The following USH2A variants were observed in gnomAD, a reference collection of about 807,000 sequenced individuals.
The protein encoded by USH2A is Usher syndrome 2A (autosomal recessive, mild).
A neutral mutation model predicts 538.9 loss-of-function variants in USH2A; 443 were observed. The observed-to-expected ratio is 0.82, with a 90% confidence interval of 0.76 to 0.89. USH2A has a LOEUF of 0.89. USH2A is among the 40% of genes least tolerant of loss of function. USH2A has a pLI of 0.00. For missense variants in USH2A, 6,633 were observed against 6,324.8 expected (o/e 1.05, Z -1.65); for synonymous variants, 2,413 against 2,273.5 (o/e 1.06, Z -1.75).
intron 38 of USH2A, among the ~76,000 whole-genome samples, chr1:215,923,618 G>A (rs6675583): frequency 0.51 from 78,044 of 151,804 alleles, 20,978 homozygotes; most frequent in East Asian, 0.68. Flanking sequence ...CACACACAGC[G>A]CATGTGCATG....
In USH2A at chr1:216,270,681, C is replaced by G. The variant is rs1437467968; in HGVS notation, c.1971+18599G>C. Among the ~76,000 whole-genome samples the G allele has an allele frequency of 3.3e-5, 5 of 150,592 alleles. No homozygotes were observed. In the East Asian group the frequency reaches 1.0e-3, roughly 30 times the overall value. On this transcript the variant is annotated intron_variant, in intron 11 of 71. Coordinates refer to ENST00000307340, the MANE Select transcript of USH2A (RefSeq NM_206933.4). Reference sequence around the variant, plus strand: ...TCCTCTCCCTAATCCATTTAATAAACTGCTATCAATTAATTTTCATTCATT... The same window carrying G: ...TCCTCTCCCTAATCCATTTAATAAAGTGCTATCAATTAATTTTCATTCATT...
chr1:215,731,025 G>A (rs1399251617), intron 60 of USH2A, among the ~76,000 whole-genome samples: 1 of 152,180 alleles, frequency 6.6e-6, no homozygotes, highest in African/African-American at 2.4e-5. Flanking sequence ...GATGGTCTAT[G>A]GGGAAGTAAC....
chr1:215,808,260 T>G (rs1662559587), intron 49 of USH2A, among the ~76,000 whole-genome samples: 1 of 152,066 alleles, frequency 6.6e-6, no homozygotes, highest in South Asian at 2.1e-4. Flanking sequence ...TCTACTAACA[T>G]ATGAGAAAAA....
chr1:216,047,393 G>A (rs1383608061), intron 31 of USH2A, among the ~76,000 whole-genome samples: 1 of 152,016 alleles, frequency 6.6e-6, no homozygotes, highest in Non-Finnish European at 1.5e-5. Flanking sequence ...TTGTAAGAGG[G>A]GATGATAATC....
chr1:215,919,806 T>A (rs1253939243), intron 38 of USH2A, among the ~76,000 whole-genome samples: 1 of 152,012 alleles, frequency 6.6e-6, no homozygotes, highest in Non-Finnish European at 1.5e-5. Flanking sequence ...GAAATTTAGG[T>A]TTAATTTTTT....
chr1:215,963,832 C>T lies in USH2A; in HGVS notation c.7120+1485G>A, dbSNP rs149460889. Among the ~76,000 whole-genome samples, 255 of 152,136 alleles carry T rather than the reference C, an allele frequency of 1.7e-3. 1 individual carries two copies. Among genetic ancestry groups the T allele is most frequent in the African/African-American group, 6.0e-3 (248 of 41,530 alleles). On this transcript the variant is annotated intron_variant, in intron 37 of 71. Coordinates refer to ENST00000307340, the MANE Select transcript of USH2A (RefSeq NM_206933.4). The stretch of plus-strand genomic sequence containing the variant: ...AATACTAACATGTAGAGGGTCATTA[C>T]GGATCGACATTTACCTTAATCTGTG...
At chr1:216,095,215 C>T (rs538592380) in intron 22 of USH2A, among the ~76,000 whole-genome samples, 1 of 151,772 alleles carries the variant, frequency 6.6e-6, no homozygotes, top group African/African-American at 2.4e-5. Context: ...GCTTTTTGTT[C>T]TCCTTCCGAT....
At chr1:215,963,135 C>T (rs1667241869) in intron 37 of USH2A, among the ~76,000 whole-genome samples, 1 of 152,010 alleles carries the variant, frequency 6.6e-6, no homozygotes, top group African/African-American at 2.4e-5. Context: ...AGGAAATAAC[C>T]AATTAGCCAT....
Position 215,627,444 on chromosome 1 carries a change from C to CTTT in USH2A, c.15519+1369_15519+1370insAAA, listed in dbSNP as rs1368111769. 1.2e-3 allele frequency among the ~76,000 whole-genome samples: 141 copies of CTTT among 117,742 alleles called. 2 individuals carry two copies. The highest frequency in any genetic ancestry group is 1.4e-3 in the African/African-American group (44 of 32,328). 77.2% of individuals were successfully genotyped at this position (117,742 alleles called of 152,430 possible). A position where few individuals can be genotyped will look rare whatever the true frequency, so the allele number is the denominator to read the frequency against. On this transcript the variant is annotated intron_variant, in intron 71 of 71. Transcript: ENST00000307340. The stretch of plus-strand genomic sequence containing the variant: ...TCCTTCCTTCCTTCCTTCCTTCCTT[C>CTTT]CTTCCTTCCTTCCTTCCTTCCTTCC...
intron 24 of USH2A, 74 bp downstream of exon 24, chr1:216,086,645 T>C: frequency 8.2e-7 from 1 of 1,224,862 alleles, no homozygotes; most frequent in Non-Finnish European, 1.2e-6. Flanking sequence ...ATACTTATTC[T>C]TACTTTAAAA....
At chr1:216,160,070 A>AT (rs558478399) in intron 21 of USH2A, among the ~76,000 whole-genome samples, 1,866 of 151,750 alleles carry the variant, frequency 0.012, 36 homozygotes, top group African/African-American at 0.041. Context: ...TTGCAAAGAA[A>AT]TTTTTCCCCA....
intron 11 of USH2A, among the ~76,000 whole-genome samples, chr1:216,281,165 A>G (rs576949013): frequency 2.6e-5 from 4 of 152,200 alleles, no homozygotes; most frequent in Admixed American, 6.6e-5. Flanking sequence ...AATAATAAAA[A>G]TTAAGATAAT....
chr1:215,704,622 T>C (rs1319903538), intron 61 of USH2A, among the ~76,000 whole-genome samples: 1 of 152,162 alleles, frequency 6.6e-6, no homozygotes, highest in African/African-American at 2.4e-5. Context: ...AGCCTCTCCC[T>C]GGTCTGCCTC....
At chr1:215,739,620 T>C (rs554203351) in intron 60 of USH2A, among the ~76,000 whole-genome samples, 2 of 152,386 alleles carry the variant, frequency 1.3e-5, no homozygotes, top group South Asian at 4.1e-4. Context: ...AAAATGGAAA[T>C]TCACATTAAC....
At chr1:215,759,171 T>C (rs1486360077) in intron 57 of USH2A, among the ~76,000 whole-genome samples, 1 of 152,170 alleles carries the variant, frequency 6.6e-6, no homozygotes, top group Admixed American at 6.5e-5. Context: ...CAGTAAAACA[T>C]CTGTTGATTT....
intron 40 of USH2A, among the ~76,000 whole-genome samples, chr1:215,895,400 A>G (rs889766302): frequency 5.9e-5 from 9 of 152,236 alleles, no homozygotes; most frequent in African/African-American, 2.2e-4. Context: ...CTAAGGGAGC[A>G]ACAAGAAGGA....
intron 3 of USH2A, among the ~76,000 whole-genome samples, chr1:216,400,370 T>G (rs2039285441): frequency 6.6e-6 from 1 of 150,798 alleles, no homozygotes; most frequent in African/African-American, 2.4e-5. Flanking sequence ...AGAATTTACC[T>G]AATTTGAACA....
At chr1:216,132,598 T>C (rs2033398824) in intron 21 of USH2A, among the ~76,000 whole-genome samples, 1 of 152,096 alleles carries the variant, frequency 6.6e-6, no homozygotes, top group South Asian at 2.1e-4. Flanking sequence ...ATAATCAGAT[T>C]GTATTGTTAG....
chr1:216,000,353 T>C lies in USH2A; in HGVS notation c.6485+50A>G, dbSNP rs545585241. 1.5e-5 allele frequency: 24 copies of C among 1,611,110 alleles called. No homozygotes were observed. The South Asian group carries it at 2.4e-4, about 16-fold the overall frequency. On this transcript the variant is annotated intron_variant, in intron 33 of 71. Coordinates refer to ENST00000307340, the MANE Select transcript of USH2A (RefSeq NM_206933.4). ...AAGCTCCTCCCCTGATTGAACTCAC[T>C]GAGATTCTTGCATGAACCAGCATGT...
Sources: allele counts gnomAD v4.1 joint callset (sites outside exome capture counted in the v4.1 genomes callset), GRCh38; gene constraint gnomAD v4.1.1; transcripts MANE v1.5; gene names NCBI Gene and HGNC (gene_info 2026-07-23, HGNC 2026-07-21).